ITGA4: variants seen among roughly 807,000 people sequenced by gnomAD.
ITGA4 encodes integrin alpha-4.
A neutral mutation model predicts 133.6 loss-of-function variants in ITGA4; 63 were observed. That is an observed-to-expected ratio of 0.47 (90% confidence interval 0.38 to 0.58). The LOEUF (loss-of-function observed/expected upper bound fraction) is 0.58, where lower values mean the gene tolerates loss of function less well. Among genes scored for constraint, ITGA4 ranks in the 20% least tolerant of loss-of-function variants. ITGA4 has a pLI of 0.00. For missense variants in ITGA4, 1,076 were observed against 1,252.7 expected (o/e 0.86, Z 2.13); for synonymous variants, 483 against 438.0 (o/e 1.10, Z -1.28).
chr2:181,527,631 A>G (rs969705317), intron 22 of ITGA4, among the ~76,000 whole-genome samples: 1 of 152,210 alleles, frequency 6.6e-6, no homozygotes, highest in African/African-American at 2.4e-5. Context: ...GCATGCAGGA[A>G]CAGAGATAAT....
chr2:181,531,896 G>A (rs572522505), intron 25 of ITGA4, 120 bp downstream of exon 25: 4 of 627,952 alleles, frequency 6.4e-6, no homozygotes, highest in Admixed American at 3.1e-5. Context: ...ATAAAATTTT[G>A]GAGTAAAACT....
intron 15 of ITGA4, among the ~76,000 whole-genome samples, chr2:181,504,184 A>T (rs1686343148): frequency 6.6e-6 from 1 of 152,086 alleles, no homozygotes; most frequent in African/African-American, 2.4e-5. Flanking sequence ...CTGTCCCCAG[A>T]GATATTCTGA....
At chr2:181,531,061 G>A (rs1019793086) in intron 24 of ITGA4, among the ~76,000 whole-genome samples, 1 of 151,994 alleles carries the variant, frequency 6.6e-6, no homozygotes, top group Non-Finnish European at 1.5e-5. Context: ...GTTGCAGTGA[G>A]CCGAGATCAC....
chr2:181,494,785 A>G lies in ITGA4; in HGVS notation c.1312A>G (p.Ile438Val), dbSNP rs1686125638. The G allele has an allele frequency of 1.9e-6, 3 of 1,580,504 alleles. No homozygotes were observed. Among genetic ancestry groups the G allele is most frequent in the Admixed American group, 1.7e-5 (1 of 59,964 alleles). ...GTTTGGACAGTCTATATCAGGACAAATTGATGCAGATAATAATGGCTATGT... is the reference window on the plus strand; with the variant it reads ...GTTTGGACAGTCTATATCAGGACAAGTTGATGCAGATAATAATGGCTATGT... The part of the protein sequence containing the change: ...SMFGQSISGQ[I>V]DADNNGYVDV... Residue 438 changes from isoleucine (I) to valine (V), a missense_variant, in exon 12 of 28, where the codon ATT becomes GTT. Ile to Val is a conservative substitution (Grantham distance 29). Coordinates refer to ENST00000397033, the MANE Select transcript of ITGA4 (RefSeq NM_000885.6).
intron 5 of ITGA4, chr2:181,479,199 T>C (rs1685747224): frequency 6.4e-6 from 1 of 155,382 alleles, no homozygotes; most frequent in African/African-American, 2.4e-5. Context: ...TATCAGTCTA[T>C]ATTTTTCATT....
chr2:181,497,482 T>C (rs1352513193), intron 14 of ITGA4, among the ~76,000 whole-genome samples: 2 of 152,166 alleles, frequency 1.3e-5, no homozygotes, highest in African/African-American at 4.8e-5. Flanking sequence ...GCTATATCAA[T>C]TGCAGTGCTA....
At chr2:181,474,850 TAAGA>T in intron 2 of ITGA4, 106 bp from the exon 3 acceptor site, 1 of 708,754 alleles carries the variant, frequency 1.4e-6, no homozygotes, top group Non-Finnish European at 2.4e-6. Context: ...GCACTGAATA[TAAGA>T]TAGAGAAGTA....
chr2:181,528,560 A>C (rs1686879777), intron 22 of ITGA4, among the ~76,000 whole-genome samples: 2 of 152,196 alleles, frequency 1.3e-5, no homozygotes, highest in Non-Finnish European at 2.9e-5. Flanking sequence ...GATGTTTGTG[A>C]TTTAGATATT....
At position 181,498,674 on chromosome 2, in the gene ITGA4, C is replaced by G. The variant is rs1408218583; in HGVS notation, c.1592C>G (p.Pro531Arg). ...GTGAACAGAAAGGCAGAGTCTCCACCAAGATTCTATTTCTCTTCTAATGGA... is the reference window on the plus strand; with the variant it reads ...GTGAACAGAAAGGCAGAGTCTCCACGAAGATTCTATTTCTCTTCTAATGGA... ...LDVNRKAESP[P>R]RFYFSSNGTS... The change falls in exon 15 of 28, where the codon CCA (proline) becomes CGA (arginine). Residue 531 changes from proline to arginine, a missense_variant. This residue lies in a region of ITGA4 where 436 missense variants were observed against 590.7 expected (regional missense o/e 0.74). Coordinates refer to ENST00000397033, the MANE Select transcript of ITGA4 (RefSeq NM_000885.6). 3 of 1,611,150 alleles carry G rather than the reference C, an allele frequency of 1.9e-6. No individual in the cohort carries two copies. In the South Asian group the frequency reaches 3.3e-5, roughly 18 times the overall value.
At chr2:181,525,425 C>T (rs1254691986) in intron 21 of ITGA4, 134 bp downstream of exon 21, 1 of 564,760 alleles carries the variant, frequency 1.8e-6, no homozygotes. Flanking sequence ...ATAATTACCT[C>T]ATTGTTATAG....
chr2:181,480,211 T>C lies in ITGA4; in HGVS notation c.699T>C (p.Asn233=). 1 of 1,532,382 alleles carries C rather than the reference T, an allele frequency of 6.5e-7. No homozygotes were observed. The highest frequency in any genetic ancestry group is 8.8e-7 in the Non-Finnish European group (1 of 1,135,170). The allele number at this position is 1,532,382 out of a possible 1,614,324, so 94.9% of individuals were successfully genotyped here. A position where few individuals can be genotyped will look rare whatever the true frequency, so the allele number is the denominator to read the frequency against. The change falls in exon 6 of 28, where the codon AAT becomes AAC. Residue 233 remains asparagine (N), a synonymous_variant. Transcript: ENST00000397033. The part of the protein sequence containing the change: ...GSLFVYNITT[N]KYKAFLDKQN... ...TTTTTGTCTACAATATAACTACAAATAAATACAAGGCTTTTTTAGACAAAC... is the reference window on the plus strand; with the variant it reads ...TTTTTGTCTACAATATAACTACAAACAAATACAAGGCTTTTTTAGACAAAC...
chr2:181,527,504 G>A (rs1372373150), intron 22 of ITGA4, 117 bp downstream of exon 22: 3 of 670,002 alleles, frequency 4.5e-6, no homozygotes, highest in African/African-American at 3.6e-5. Flanking sequence ...ACCACAGCTG[G>A]CTGGAATGGG....
chr2:181,484,761 A>G (rs1685877467), intron 9 of ITGA4, among the ~76,000 whole-genome samples: 1 of 152,236 alleles, frequency 6.6e-6, no homozygotes, highest in Non-Finnish European at 1.5e-5. Flanking sequence ...TACATGGCAC[A>G]TTATAAGTAC....
In ITGA4 at chr2:181,536,543, C is replaced by CTTTACAAGTATAAGTAAGTG. The variant is rs1559061533; in HGVS notation, c.*1031_*1032insAAGTGTTTACAAGTATAAGT. ...TCCTTGGATGTAATTCTTTGTTACC[C>CTTTACAAGTATAAGTAAGTG]TTTACAAGTATAAGTGTTACCTTAC... On this transcript the variant is annotated 3_prime_UTR_variant, in exon 28 of 28. Coordinates refer to ENST00000397033, the MANE Select transcript of ITGA4 (RefSeq NM_000885.6). 1 of 156,600 alleles carries CTTTACAAGTATAAGTAAGTG rather than the reference C, an allele frequency of 6.4e-6. No individual in the cohort carries two copies. The highest frequency in any genetic ancestry group is 1.4e-5 in the Non-Finnish European group (1 of 71,338). 9.7% of individuals were successfully genotyped at this position (156,600 alleles called of 1,614,324 possible). A position where few individuals can be genotyped will look rare whatever the true frequency, so the allele number is the denominator to read the frequency against.
Position 181,523,375 on chromosome 2 carries a change from CAT to C in ITGA4, c.2074-59_2074-58del. The C allele has an allele frequency of 2.1e-6, 2 of 942,288 alleles. No individual in the cohort carries two copies. The highest frequency in any genetic ancestry group is 1.3e-5 in the South Asian group (1 of 75,432). The allele number at this position is 942,288 out of a possible 1,614,324, so 58.4% of individuals were successfully genotyped here. On this transcript the variant is annotated intron_variant, in intron 18 of 27. Transcript: ENST00000397033. The surrounding 1 kb of genome is among the most constrained non-coding windows in gnomAD (Gnocchi z 4.2). ...ATTCTTTTCAATAACCATCCTTAAACATATGTTACAAACTTTTTATTTCCTTC... is the reference window on the plus strand; with the variant it reads ...ATTCTTTTCAATAACCATCCTTAAACATGTTACAAACTTTTTATTTCCTTC...
intron 2 of ITGA4, among the ~76,000 whole-genome samples, chr2:181,473,988 C>A (rs1364762837): frequency 6.6e-6 from 1 of 152,146 alleles, no homozygotes; most frequent in Non-Finnish European, 1.5e-5. Context: ...AGTTCCACAT[C>A]CTTATCCAAT....
chr2:181,503,326 T>C (rs1388108506), intron 15 of ITGA4, among the ~76,000 whole-genome samples: 1 of 152,150 alleles, frequency 6.6e-6, no homozygotes, highest in African/African-American at 2.4e-5. Context: ...TTTAGTTTTA[T>C]GCTAGATCTT....
chr2:181,492,189 ATATTT>A (rs1394712898), intron 10 of ITGA4, among the ~76,000 whole-genome samples: 7 of 152,256 alleles, frequency 4.6e-5, no homozygotes, highest in African/African-American at 1.7e-4. Flanking sequence ...ATGAGTGGGC[ATATTT>A]GTATATGAAA....
In ITGA4 at chr2:181,482,595, A is replaced by T; in HGVS notation, c.985A>T (p.Met329Leu). ...CTCAGATCTGCTCGTGGGAGCACCCATGCAGAGCACCATCAGAGAGGAAGG... is the reference window on the plus strand; with the variant it reads ...CTCAGATCTGCTCGTGGGAGCACCCTTGCAGAGCACCATCAGAGAGGAAGG... Reference protein sequence around the residue: ...GFSDLLVGAPMQSTIREEGRV... With the variant: ...GFSDLLVGAPLQSTIREEGRV... Residue 329 changes from methionine (M) to leucine (L), a missense_variant, in exon 9 of 28, where the codon ATG becomes TTG. By Grantham distance (15) the Met-to-Leu change is conservative (BLOSUM62 2). Around this residue, in one of 4 missense-constraint regions of ITGA4, gnomAD observed 436 missense variants for 590.7 expected, o/e 0.74. Coordinates refer to ENST00000397033, the MANE Select transcript of ITGA4 (RefSeq NM_000885.6). 6.2e-7 allele frequency: 1 copy of T among 1,613,806 alleles called. No homozygotes were observed. The highest frequency in any genetic ancestry group is 1.1e-5 in the South Asian group (1 of 91,064).
Sources: gnomAD v4.1 joint callset for allele counts (sites outside exome capture counted in the v4.1 genomes callset) on GRCh38, gnomAD v4.1.1 for gene constraint, gnomAD v4.1.1 regional missense constraint, Gnocchi (gnomAD v3.1) non-coding constraint, MANE v1.5 for transcripts, NCBI Gene and HGNC (gene_info 2026-07-23, HGNC 2026-07-21) for gene names.